Variants in HDGFL3 observed in about 807,000 individuals in gnomAD.
HDGFL3 encodes the protein HDGF like 3.
In HDGFL3, 6 loss-of-function variants were observed where a neutral mutation model predicts 27.6. That is an observed-to-expected ratio of 0.22 (90% CI 0.12 to 0.43). The LOEUF is 0.43. Among genes scored for constraint, HDGFL3 ranks in the 20% least tolerant of loss-of-function variants. The pLI, the probability that HDGFL3 is intolerant of heterozygous loss-of-function variation, is 1.00. For synonymous variants in HDGFL3, 88 were observed against 88.9 expected (o/e 0.99, Z 0.05); for missense variants, 207 against 250.1 (o/e 0.83, Z 1.16).
At chr15:83,153,200 C>T (rs889079321) in intron 4 of HDGFL3, among the ~76,000 whole-genome samples, 1 of 151,950 alleles carries the variant, frequency 6.6e-6, no homozygotes, top group African/African-American at 2.4e-5. Context: ...TGGGGTTTCA[C>T]TGTGTTAGCC....
At chr15:83,201,741 G>A (rs1191896964) in intron 1 of HDGFL3, among the ~76,000 whole-genome samples, 2 of 152,174 alleles carry the variant, frequency 1.3e-5, no homozygotes, top group African/African-American at 4.8e-5. Context: ...CAAAGGGGAT[G>A]TGCCAGGAAT....
rs549211146 is a variant in HDGFL3 at position 83,183,046 on chromosome 15, A to G, written c.85-18971T>C. On this transcript the variant is annotated intron_variant, in intron 1 of 5. Transcript: ENST00000299633. ...ATATAAATAGAGAGGGAAGAAGAGG[A>G]TGAGACTAGTGTTAACAAATTGGCT... Among the ~76,000 whole-genome samples the G allele has an allele frequency of 1.1e-4, 17 of 152,346 alleles. No homozygotes were observed. The South Asian group carries it at 3.5e-3, about 32-fold the overall frequency.
At chr15:83,162,105 A>G (rs1416199398) in intron 2 of HDGFL3, among the ~76,000 whole-genome samples, 6 of 152,282 alleles carry the variant, frequency 3.9e-5, no homozygotes, top group East Asian at 1.9e-4. Context: ...CCTCCCCTGC[A>G]TCATTTAACT....
rs2036501695 is a variant in HDGFL3, at chr15:83,134,805, T to C, written c.*4465A>G. ...TGGCTTCCAGTCCAGAGAAAATGCT[T>C]GGTTATATATTCAGAAAAACACTAT... On this transcript the variant is annotated 3_prime_UTR_variant, in exon 6 of 6. Transcript: ENST00000299633. 6.6e-6 allele frequency: 1 copy of C among 152,206 alleles called. No homozygotes were observed. The highest frequency in any genetic ancestry group is 2.4e-5 in the African/African-American group (1 of 41,448). The allele number at this position is 152,206 out of a possible 1,614,324, so 9.4% of individuals were successfully genotyped here. A position where few individuals can be genotyped will look rare whatever the true frequency, so the allele number is the denominator to read the frequency against.
chr15:83,197,122 A>G (rs895645738), intron 1 of HDGFL3, among the ~76,000 whole-genome samples: 2 of 152,234 alleles, frequency 1.3e-5, no homozygotes, highest in Admixed American at 6.5e-5. Context: ...GGAGACCATG[A>G]TATTTCATAA....
rs147981275 is a variant in HDGFL3 at position 83,200,207 on chromosome 15, G to A, written c.84+7124C>T. On this transcript the variant is annotated intron_variant, in intron 1 of 5. Coordinates refer to ENST00000299633, the MANE Select transcript of HDGFL3 (RefSeq NM_016073.4). ...AAAAATACAAAAAAATCAGCCCAGC[G>A]TGGTGGTGGGCACCTGTAGTCCTAG... Among the ~76,000 whole-genome samples the A allele has an allele frequency of 2.5e-3, 379 of 151,054 alleles. 2 individuals are homozygous for A. The highest frequency in any genetic ancestry group is 6.8e-3 in the Middle Eastern group (2 of 292).
At position 83,135,824 on chromosome 15, in the gene HDGFL3, C is replaced by T. The variant is rs572584401; in HGVS notation, c.*3446G>A. 7 of 152,316 alleles carry T rather than the reference C, an allele frequency of 4.6e-5. No individual in the cohort carries two copies. The highest frequency in any genetic ancestry group is 2.1e-4 in the South Asian group (1 of 4,832). 9.4% of individuals were successfully genotyped at this position (152,316 alleles called of 1,614,324 possible). On this transcript the variant is annotated 3_prime_UTR_variant, in exon 6 of 6. Coordinates refer to ENST00000299633, the MANE Select transcript of HDGFL3 (RefSeq NM_016073.4). ...CATTTTACAAAGAGCAACCGTACTCCTACCTCCACCCAAGTTGGTAACAAC... is the reference window on the plus strand; with the variant it reads ...CATTTTACAAAGAGCAACCGTACTCTTACCTCCACCCAAGTTGGTAACAAC...
chr15:83,160,340 C>G (rs1183246872), intron 2 of HDGFL3, among the ~76,000 whole-genome samples: 3 of 152,058 alleles, frequency 2.0e-5, no homozygotes, highest in Non-Finnish European at 4.4e-5. Context: ...GCACATGCCA[C>G]CATACCCAGT....
intron 1 of HDGFL3, among the ~76,000 whole-genome samples, chr15:83,196,918 T>C (rs189551217): frequency 8.3e-4 from 127 of 152,292 alleles, no homozygotes; most frequent in African/African-American, 2.6e-3. Context: ...TGGAAGAGAA[T>C]AGTAAATGTA....
Position 83,135,664 on chromosome 15 carries a change from C to T in HDGFL3, c.*3606G>A, listed in dbSNP as rs986381793. 2.0e-5 allele frequency: 3 copies of T among 152,184 alleles called. No homozygotes were observed. Among genetic ancestry groups the T allele is most frequent in the African/African-American group, 7.2e-5 (3 of 41,434 alleles). The allele number at this position is 152,184 out of a possible 1,614,324, so 9.4% of individuals were successfully genotyped here. On this transcript the variant is annotated 3_prime_UTR_variant, in exon 6 of 6. Transcript: ENST00000299633. The stretch of plus-strand genomic sequence containing the variant: ...AAATATCAAAAAAGACCAATTGGCA[C>T]ATTCTGAATGTGTTTTCTGAATAAG...
intron 1 of HDGFL3, among the ~76,000 whole-genome samples, chr15:83,177,862 C>T (rs1221125833): frequency 6.6e-6 from 1 of 152,148 alleles, no homozygotes; most frequent in African/African-American, 2.4e-5. Flanking sequence ...CTCTGTGAAA[C>T]AGAAACTAGT....
chr15:83,170,389 GA>G (rs2037231210), intron 1 of HDGFL3, among the ~76,000 whole-genome samples: 1 of 152,134 alleles, frequency 6.6e-6, no homozygotes, highest in African/African-American at 2.4e-5. Context: ...CAATAGAATA[GA>G]AAAGAGAACC....
At chr15:83,121,947 A>T (rs747777206) in intron 3 of HDGFL3, 1 of 1,610,596 alleles carries the variant, frequency 6.2e-7, no homozygotes, top group Non-Finnish European at 8.5e-7. Flanking sequence ...ATTGGCCTAT[A>T]TTGGGTTGGA....
chr15:83,205,873 T>C (rs1156664704), intron 1 of HDGFL3, among the ~76,000 whole-genome samples: 1 of 152,240 alleles, frequency 6.6e-6, no homozygotes, highest in African/African-American at 2.4e-5. Context: ...CTTAAAAACT[T>C]TGCCTTATCT....
chr15:83,185,650 A>G (rs1178510871), intron 1 of HDGFL3, among the ~76,000 whole-genome samples: 2 of 152,188 alleles, frequency 1.3e-5, no homozygotes, highest in African/African-American at 4.8e-5. Flanking sequence ...ACTTCAAGAG[A>G]GATGCATTTG....
At chr15:83,126,909 C>A, downstream of HDGFL3, 1 of 1,375,162 alleles carries the variant, frequency 7.3e-7, no homozygotes, top group Non-Finnish European at 1.0e-6. Context: ...AAAATGGGTC[C>A]CAGCTGGGTG....
intron 2 of HDGFL3, among the ~76,000 whole-genome samples, chr15:83,161,543 T>C (rs1414914171): frequency 2.0e-5 from 3 of 152,186 alleles, no homozygotes; most frequent in Non-Finnish European, 4.4e-5. Context: ...TTGCCCTCTT[T>C]ATTTTTATCT....
chr15:83,157,963 T>C lies in HDGFL3; in HGVS notation c.240A>G (p.Gly80=). The C allele has an allele frequency of 6.2e-7, 1 of 1,612,862 alleles. No homozygotes were observed. The highest frequency in any genetic ancestry group is 8.5e-7 in the Non-Finnish European group (1 of 1,179,194). Residue 80 remains glycine, a synonymous_variant, in exon 3 of 6, where the codon GGA becomes GGG. Transcript: ENST00000299633. ...CTATTTCCCACAATCCTTCGTTAAA[T>C]CCTTTCCGTTTGTTTGACTTTCCAA... ...DKFGKSNKRK[G]FNEGLWEIEN... is the part of the protein sequence containing the mutation.
At chr15:83,127,647 A>C, downstream of HDGFL3, 1 of 656,506 alleles carries the variant, frequency 1.5e-6, no homozygotes, top group East Asian at 2.9e-5. Flanking sequence ...TTTTATTTCA[A>C]TCTCACAATA....
Sources: allele counts gnomAD v4.1 joint callset (sites outside exome capture counted in the v4.1 genomes callset), GRCh38; gene constraint gnomAD v4.1.1; transcripts MANE v1.5; gene names NCBI Gene and HGNC (gene_info 2026-07-23, HGNC 2026-07-21).